Variants in ANKS1A observed in about 807,000 individuals in gnomAD.
ANKS1A encodes ankyrin repeat and SAM domain-containing protein 1A.
Under a neutral mutation model 120.3 loss-of-function variants are expected in ANKS1A, and 55 were observed. That is an observed-to-expected ratio of 0.46 (90% CI 0.37 to 0.57). ANKS1A has a LOEUF of 0.57. Among genes scored for constraint, ANKS1A ranks in the 20% least tolerant of loss-of-function variants. ANKS1A has a pLI of 0.00. For synonymous variants in ANKS1A, 590 were observed against 604.7 expected, an observed-to-expected ratio of 0.98 and a Z score of 0.36; for missense variants, 1,123 against 1,480.3, an observed-to-expected ratio of 0.76 and a Z score of 3.96.
intron 6 of ANKS1A, 42 bp downstream of exon 6, chr6:34,983,256 G>A (rs184886150): frequency 5.8e-4 from 928 of 1,611,810 alleles, no homozygotes; most frequent in Non-Finnish European, 7.2e-4. Context: ...GGGGACACAC[G>A]AATTGAACCA....
intron 1 of ANKS1A, among the ~76,000 whole-genome samples, chr6:34,921,645 G>A (rs921717055): frequency 3.3e-5 from 5 of 152,164 alleles, no homozygotes; most frequent in Admixed American, 6.6e-5. Context: ...CTGGTTTGTC[G>A]TTAGTCTCTC....
rs35837881 is a variant in ANKS1A, at chr6:35,079,635, C to T, written c.2403C>T (p.Thr801=). The change falls in exon 15 of 24, where the codon ACC becomes ACT. Residue 801 remains threonine (T), a synonymous_variant. Coordinates refer to ENST00000360359, the MANE Select transcript of ANKS1A (RefSeq NM_015245.3). ...CAAGTGGTTACAGCTCCATTGACAC[C>T]GTGAAGAACCTCTGGGAGCTAGAGC... ...FLSSGYSSID[T]VKNLWELELV... 3,139 of 1,614,162 alleles carry T rather than the reference C, an allele frequency of 1.9e-3. 51 individuals carry two copies. In the African/African-American group the frequency reaches 0.034, roughly 18 times the overall value.
At chr6:35,045,335 A>G (rs1334463017) in intron 11 of ANKS1A, among the ~76,000 whole-genome samples, 1 of 152,198 alleles carries the variant, frequency 6.6e-6, no homozygotes, top group Non-Finnish European at 1.5e-5. Flanking sequence ...AGGAAACTGA[A>G]TCTTAAGGAA....
chr6:34,988,604 T>G (rs1392944756), intron 8 of ANKS1A, among the ~76,000 whole-genome samples: 2 of 152,040 alleles, frequency 1.3e-5, no homozygotes, highest in African/African-American at 4.8e-5. Context: ...TCAAAAAAAT[T>G]TTTTTTTCAA....
chr6:34,999,459 G>A lies in ANKS1A; in HGVS notation c.1423+5037G>A, dbSNP rs112181163. Among the ~76,000 whole-genome samples the A allele has an allele frequency of 5.5e-4, 84 of 152,274 alleles. 1 individual carries two copies. In the South Asian group the frequency reaches 5.8e-3, roughly 11 times the overall value. ...TTTTTACCTGTTCTTTGTTTTGTGC[G>A]TGTGGTGTGAGCGTGGTGTTTTGTC... On this transcript the variant is annotated intron_variant, in intron 10 of 23. Transcript: ENST00000360359.
At chr6:35,097,048 T>C in the ANKS1A span, among the ~76,000 whole-genome samples, 1 of 151,096 alleles carries the variant, frequency 6.6e-6, no homozygotes, top group Non-Finnish European at 1.5e-5. Flanking sequence ...TTTTTTTTTT[T>C]ATCTTAAAGG....
chr6:34,970,334 G>A (rs1373326747), intron 3 of ANKS1A, among the ~76,000 whole-genome samples, 168 bp downstream of exon 3: 2 of 152,008 alleles, frequency 1.3e-5, no homozygotes, highest in Non-Finnish European at 2.9e-5. Context: ...TACCCTAATT[G>A]TGATTCCCCT....
chr6:34,963,592 A>G (rs1419719893), intron 1 of ANKS1A, among the ~76,000 whole-genome samples: 2 of 152,230 alleles, frequency 1.3e-5, no homozygotes, highest in Non-Finnish European at 2.9e-5. Flanking sequence ...GGAAGTGCAG[A>G]TATTTCTTCC....
intron 1 of ANKS1A, among the ~76,000 whole-genome samples, chr6:34,941,362 A>G (rs1037670011): frequency 2.0e-5 from 3 of 152,094 alleles, no homozygotes; most frequent in African/African-American, 7.2e-5. Flanking sequence ...TGATGATGTT[A>G]CATAATCCAC....
chr6:34,947,232 G>A (rs1045582497), intron 1 of ANKS1A, among the ~76,000 whole-genome samples: 7 of 140,218 alleles, frequency 5.0e-5, no homozygotes, highest in African/African-American at 1.9e-4. Context: ...TACAACCTCT[G>A]CCTCCCAGGT....
At position 35,017,847 on chromosome 6, in the gene ANKS1A, C is replaced by T. The variant is rs188252688; in HGVS notation, c.1798C>T (p.Arg600Trp). 1.5e-5 allele frequency: 25 copies of T among 1,614,158 alleles called. No individual in the cohort carries two copies. The highest frequency in any genetic ancestry group is 2.7e-5 in the African/African-American group (2 of 75,044). The change falls in exon 11 of 24, where the codon CGG becomes TGG. Residue 600 changes from arginine to tryptophan, a missense_variant. Coordinates refer to ENST00000360359, the MANE Select transcript of ANKS1A (RefSeq NM_015245.3). Reference sequence around the variant, plus strand: ...CCCTGGTGGTGCTGAGGAAGGAGACCGGAGTGGGGCCAGGAGCCGAGCGCC... The same window carrying T: ...CCCTGGTGGTGCTGAGGAAGGAGACTGGAGTGGGGCCAGGAGCCGAGCGCC... ...PHPGGAEEGD[R>W]SGARSRAPPT... is the part of the protein sequence containing the mutation.
rs1055113937 is a variant in ANKS1A, at chr6:35,079,967, C to T, written c.2544+39C>T. The T allele has an allele frequency of 2.6e-6, 4 of 1,543,146 alleles. No individual in the cohort carries two copies. The African/African-American group carries it at 4.1e-5, about 16-fold the overall frequency. On this transcript the variant is annotated intron_variant, in intron 16 of 23. Transcript: ENST00000360359. Reference sequence around the variant, plus strand: ...GGACAGAAAGGAATGTATGTTTGTTCCCTGTATTTGCAGGAATTACATAGA... The same window carrying T: ...GGACAGAAAGGAATGTATGTTTGTTTCCTGTATTTGCAGGAATTACATAGA...
intron 1 of ANKS1A, among the ~76,000 whole-genome samples, chr6:34,940,261 G>A: frequency 6.6e-6 from 1 of 152,206 alleles, no homozygotes; most frequent in East Asian, 1.9e-4. Flanking sequence ...GGAGCACTTT[G>A]TGTTGACTGA....
intron 9 of ANKS1A, among the ~76,000 whole-genome samples, chr6:34,993,795 A>G (rs766797413): frequency 2.0e-5 from 3 of 152,210 alleles, no homozygotes; most frequent in Admixed American, 6.5e-5. Flanking sequence ...AAACGTGGAG[A>G]AAGAGGTCTG....
At chr6:34,946,225 C>T (rs993001191) in intron 1 of ANKS1A, among the ~76,000 whole-genome samples, 1 of 151,882 alleles carries the variant, frequency 6.6e-6, no homozygotes. Context: ...AGATTATCCA[C>T]CTGCCTTGGA....
At chr6:34,979,138 G>A (rs372210465) in intron 3 of ANKS1A, among the ~76,000 whole-genome samples, 3 of 151,988 alleles carry the variant, frequency 2.0e-5, no homozygotes, top group Admixed American at 1.3e-4. Context: ...CTCGTGATCC[G>A]CCTGCCTCAG....
At position 35,082,672 on chromosome 6, in the gene ANKS1A, A is replaced by G; in HGVS notation, c.2710-19A>G. 6.2e-7 allele frequency: 1 copy of G among 1,602,378 alleles called. No individual in the cohort carries two copies. Among genetic ancestry groups the G allele is most frequent in the Non-Finnish European group, 8.5e-7 (1 of 1,174,126 alleles). ...CCTCTGGAGCAAGGAGCAGGTGTCC[A>G]ATTGCGTGTGTTTCGCAGGAGGAGC... On this transcript the variant is annotated intron_variant, in intron 17 of 23. Transcript: ENST00000360359. This position sits in a 1 kb window ranked among gnomAD's most constrained non-coding sequence, Gnocchi z 4.1.
intron 1 of ANKS1A, among the ~76,000 whole-genome samples, chr6:34,955,198 G>A (rs1248487742): frequency 1.3e-5 from 2 of 151,042 alleles, no homozygotes; most frequent in Admixed American, 1.3e-4. Flanking sequence ...GTGAGGTGGC[G>A]TGATCTTGGC....
At chr6:35,076,788 C>T (rs908690775) in intron 13 of ANKS1A, among the ~76,000 whole-genome samples, 1 of 152,050 alleles carries the variant, frequency 6.6e-6, no homozygotes, top group Non-Finnish European at 1.5e-5. Context: ...TGCCACCACG[C>T]CCGGCTAATT....
Sources: allele counts gnomAD v4.1 joint callset (sites outside exome capture counted in the v4.1 genomes callset), GRCh38; gene constraint gnomAD v4.1.1; non-coding constraint Gnocchi (gnomAD v3.1); transcripts MANE v1.5; gene names NCBI Gene and HGNC (gene_info 2026-07-23, HGNC 2026-07-21).